The following DAPK2 variants were observed in gnomAD, a reference collection of about 807,000 sequenced individuals.
DAPK2 encodes the protein death associated protein kinase 2, also known as death-associated protein kinase 2.
In DAPK2, 35 loss-of-function variants were observed where a neutral mutation model predicts 44.1. The observed-to-expected ratio is 0.79, with a 90% confidence interval of 0.61 to 1.05. DAPK2 has a LOEUF of 1.05. DAPK2 is among the 50% of genes least tolerant of loss of function. The probability of loss-of-function intolerance (pLI) is 0.00; values close to 1 mark genes in which losing one functional copy is unlikely to be tolerated. For synonymous variants in DAPK2, 174 were observed against 182.6 expected, an observed-to-expected ratio of 0.95 and a Z score of 0.38; for missense variants, 453 against 483.2, an observed-to-expected ratio of 0.94 and a Z score of 0.59.
intron 1 of DAPK2, among the ~76,000 whole-genome samples, chr15:63,994,410 A>AAAGGAAGGAAGGAAGGAAGG (rs56254515): frequency 7.1e-6 from 1 of 141,732 alleles, no homozygotes; most frequent in African/African-American, 2.6e-5. Flanking sequence ...TGTTAAAAGA[A>AAAGGAAGGAAGGAAGGAAGG]AAGGAAGGAA....
intron 2 of DAPK2, among the ~76,000 whole-genome samples, chr15:63,981,896 G>A (rs1320377907): frequency 2.0e-5 from 3 of 152,212 alleles, no homozygotes; most frequent in African/African-American, 2.4e-5. Context: ...TTTAAACACC[G>A]AGATGGATAA....
intron 1 of DAPK2, among the ~76,000 whole-genome samples, chr15:63,996,167 C>G (rs2078945139): frequency 6.6e-6 from 1 of 152,190 alleles, no homozygotes; most frequent in South Asian, 2.1e-4. Context: ...GATGCAGTGG[C>G]TCACACCTAT....
At chr15:63,991,239 G>A (rs1242135421) in intron 1 of DAPK2, 1 of 456,314 alleles carries the variant, frequency 2.2e-6, no homozygotes, top group East Asian at 6.9e-5. Context: ...AAAGCCAGGT[G>A]GGCAGTGCGC....
At chr15:64,002,975 T>A (rs2079133517) in intron 1 of DAPK2, among the ~76,000 whole-genome samples, 1 of 4,218 alleles carries the variant, frequency 2.4e-4, no homozygotes, top group Non-Finnish European at 9.4e-4. Context: ...TCGTGGGACC[T>A]GTGTGTGTGT....
chr15:63,948,269 T>TGAAAAAA (rs2077499765), intron 3 of DAPK2, among the ~76,000 whole-genome samples: 1 of 4,970 alleles, frequency 2.0e-4, no homozygotes, highest in Non-Finnish European at 4.2e-4. Flanking sequence ...AGACTCCATC[T>TGAAAAAA]CAAAAAAAAA....
intron 3 of DAPK2, among the ~76,000 whole-genome samples, chr15:63,952,176 G>T (rs949224075): frequency 5.9e-5 from 9 of 152,170 alleles, no homozygotes; most frequent in Non-Finnish European, 1.2e-4. Context: ...GGAGGCAGAG[G>T]TTGCAGTGAA....
At chr15:64,028,049 T>TCTATCTAC (rs1555483151) in intron 1 of DAPK2, among the ~76,000 whole-genome samples, 10 of 147,036 alleles carry the variant, frequency 6.8e-5, no homozygotes, top group Non-Finnish European at 1.5e-4. Flanking sequence ...TATCTATCTA[T>TCTATCTAC]CTATCTATCT....
chr15:63,955,964 G>C lies in DAPK2; in HGVS notation c.453+15459C>G, dbSNP rs1025244199. Among the ~76,000 whole-genome samples, 26 of 152,182 alleles carry C rather than the reference G, an allele frequency of 1.7e-4. 1 individual carries two copies. The highest frequency in any genetic ancestry group is 1.5e-3 in the Admixed American group (23 of 15,278). On this transcript the variant is annotated intron_variant, in intron 3 of 10. Transcript: ENST00000261891. ...CCAGAAAACTTCATATTACAGCTTT[G>C]ATCTTCTTACTTGTTATTGGTGTGC... is the stretch of plus-strand genomic sequence containing the variant.
At chr15:64,036,299 G>A (rs1425072161) in intron 1 of DAPK2, among the ~76,000 whole-genome samples, 131 of 47,588 alleles carry the variant, frequency 2.8e-3, no homozygotes, top group Middle Eastern at 0.015. Flanking sequence ...GTGTGTGTGT[G>A]TGTGTGTGTG....
chr15:63,929,791 A>T (rs1208815039), intron 5 of DAPK2: 7 of 681,520 alleles, frequency 1.0e-5, no homozygotes, highest in African/African-American at 1.8e-5. Flanking sequence ...GAGTCCGAAG[A>T]CCCAAGTTCA....
intron 3 of DAPK2, among the ~76,000 whole-genome samples, chr15:63,940,564 T>C (rs1191373592): frequency 6.6e-6 from 1 of 151,720 alleles, no homozygotes; most frequent in Non-Finnish European, 1.5e-5. Context: ...ATACAAAAGT[T>C]AGGTGGGTGT....
chr15:63,981,453 T>C (rs2078509810), intron 2 of DAPK2, among the ~76,000 whole-genome samples: 1 of 152,170 alleles, frequency 6.6e-6, no homozygotes, highest in South Asian at 2.1e-4. Context: ...TGGTATGCAA[T>C]TCAGTGAAAC....
chr15:63,950,580 TA>T (rs145860628), intron 3 of DAPK2, among the ~76,000 whole-genome samples: 3 of 152,278 alleles, frequency 2.0e-5, no homozygotes, highest in Non-Finnish European at 2.9e-5. Flanking sequence ...AACACTGTTT[TA>T]TTTTTTTTAT....
chr15:63,961,560 T>A (rs1035769769), intron 3 of DAPK2, among the ~76,000 whole-genome samples: 1 of 152,166 alleles, frequency 6.6e-6, no homozygotes, highest in Non-Finnish European at 1.5e-5. Flanking sequence ...TCTCTCAGCA[T>A]TTGTTTGTCT....
chr15:63,965,056 C>T (rs930425149), intron 3 of DAPK2, among the ~76,000 whole-genome samples: 1 of 152,146 alleles, frequency 6.6e-6, no homozygotes, highest in Non-Finnish European at 1.5e-5. Context: ...TTATTCTAGT[C>T]TTCAGTCTTC....
At chr15:63,951,408 C>T (rs962439783) in intron 3 of DAPK2, among the ~76,000 whole-genome samples, 2 of 152,142 alleles carry the variant, frequency 1.3e-5, no homozygotes, top group African/African-American at 4.8e-5. Flanking sequence ...GAAGGGCAGT[C>T]AGCCCCAGTG....
At chr15:63,918,754 A>C (rs1225075583) in intron 8 of DAPK2, 1 of 152,452 alleles carries the variant, frequency 6.6e-6, no homozygotes, top group East Asian at 1.9e-4. Context: ...CTGAGGCAGG[A>C]GAATTGCTTG....
At chr15:63,977,382 G>T (rs1032441203) in intron 2 of DAPK2, among the ~76,000 whole-genome samples, 2 of 152,130 alleles carry the variant, frequency 1.3e-5, no homozygotes, top group Non-Finnish European at 2.9e-5. Flanking sequence ...GTAACCCTGG[G>T]TCTGCTCTGC....
At chr15:64,046,349 G>T (rs1595935343), upstream of DAPK2, 1 of 9,790 alleles carries the variant, frequency 1.0e-4, no homozygotes, top group Non-Finnish European at 2.4e-4. This position sits in a 1 kb window ranked among gnomAD's most constrained non-coding sequence, Gnocchi z 5.3. Context: ...CGGCGGGAGC[G>T]GCGGGCGCGG....
Sources: allele counts gnomAD v4.1 joint callset (sites outside exome capture counted in the v4.1 genomes callset), GRCh38; gene constraint gnomAD v4.1.1; non-coding constraint Gnocchi (gnomAD v3.1); transcripts MANE v1.5; gene names NCBI Gene and HGNC (gene_info 2026-07-23, HGNC 2026-07-21).